COL6A5: variants seen among roughly 807,000 people sequenced by gnomAD.
COL6A5 encodes collagen alpha-5(VI) chain.
COL6A5 carries 48 observed loss-of-function variants against 65.6 expected under a neutral mutation model. The observed-to-expected ratio is 0.73, with a 90% CI of 0.58 to 0.93. The LOEUF (loss-of-function observed/expected upper bound fraction) is 0.93, where lower values mean the gene tolerates loss of function less well. Ranked by LOEUF, COL6A5 falls within the 40% of genes least tolerant of loss-of-function variation. The pLI is 0.00. For synonymous variants in COL6A5, 291 were observed against 322.8 expected (o/e 0.90, Z 1.05); for missense variants, 914 against 928.3 (o/e 0.98, Z 0.20).
chr3:130,393,521 C>A (rs1451107364), intron 7 of COL6A5, among the ~76,000 whole-genome samples: 1 of 152,124 alleles, frequency 6.6e-6, no homozygotes, highest in Non-Finnish European at 1.5e-5. Context: ...CCAAAACTGG[C>A]GCATTACTAA....
exon 1 of COL6A5, chr3:130,431,835 T>C (rs1431774748): frequency 1.3e-6 from 2 of 1,551,600 alleles, no homozygotes; most frequent in South Asian, 1.2e-5. Flanking sequence ...TTTTTAGCAA[T>C]GGTCAAACAG....
chr3:130,376,704 G>T (rs1192617628), exon 3 of COL6A5: 1 of 1,613,674 alleles, frequency 6.2e-7, no homozygotes, highest in Non-Finnish European at 8.5e-7. Context: ...AAATCTGAAG[G>T]CCATGGCCAC....
chr3:130,399,210 A>G (rs1936720967), intron 10 of COL6A5, among the ~76,000 whole-genome samples: 2 of 152,108 alleles, frequency 1.3e-5, no homozygotes, highest in South Asian at 4.1e-4. Context: ...AAAGACCACA[A>G]TATGTCCTGT....
At chr3:130,401,629 T>C in intron 11 of COL6A5, 133 bp from the exon 12 acceptor site, 2 of 682,840 alleles carry the variant, frequency 2.9e-6, no homozygotes, top group Non-Finnish European at 2.6e-6. Flanking sequence ...GCACCTCTTA[T>C]TCTCTGCAGC....
At chr3:130,449,681 A>C (rs886389435) in intron 4 of COL6A5, among the ~76,000 whole-genome samples, 1 of 152,150 alleles carries the variant, frequency 6.6e-6, no homozygotes, top group African/African-American at 2.4e-5. Flanking sequence ...TTTAGAAATT[A>C]CATTAATCCA....
chr3:130,481,211 G>T (rs551499063), intron 7 of COL6A5, among the ~76,000 whole-genome samples: 5 of 57,692 alleles, frequency 8.7e-5, no homozygotes, highest in Non-Finnish European at 1.5e-4. Flanking sequence ...CCCACCCCCC[G>T]ACAAGCCCCA....
intron 27 of COL6A5, 124 bp downstream of exon 27, chr3:130,421,484 T>A: frequency 1.1e-6 from 1 of 870,362 alleles, no homozygotes; most frequent in Non-Finnish European, 1.8e-6. Flanking sequence ...TTGTTTTCCT[T>A]GGGCTTCCTG....
At chr3:130,395,105 ACT>A in exon 8 of COL6A5, 2 of 1,551,660 alleles carry the variant, frequency 1.3e-6, no homozygotes, top group Non-Finnish European at 1.7e-6. Context: ...CCAGTGGAAG[ACT>A]CAAATTCAGA....
intron 7 of COL6A5, among the ~76,000 whole-genome samples, chr3:130,472,531 C>G (rs934104805): frequency 1.3e-5 from 2 of 151,812 alleles, no homozygotes; most frequent in African/African-American, 2.4e-5. Context: ...TTGCTGTGTC[C>G]CAGAGTCATG....
chr3:130,423,950 T>C (rs1937559928), intron 29 of COL6A5, 50 bp downstream of exon 29: 1 of 1,383,970 alleles, frequency 7.2e-7, no homozygotes. Context: ...TCCAGTATGT[T>C]CCATGGAAAG....
exon 1 of COL6A5, chr3:130,345,897 C>T (rs974389431): frequency 2.5e-6 from 1 of 398,666 alleles, no homozygotes; most frequent in Non-Finnish European, 4.4e-6. Flanking sequence ...GCGTTTACTG[C>T]GCTCAGGAGC....
At chr3:130,361,211 T>G (rs1410334913) in intron 1 of COL6A5, among the ~76,000 whole-genome samples, 1 of 152,036 alleles carries the variant, frequency 6.6e-6, no homozygotes, top group Non-Finnish European at 1.5e-5. Flanking sequence ...ACAGAATAGT[T>G]TTTAAAAATC....
At chr3:130,346,747 A>T (rs1196697722) in intron 1 of COL6A5, among the ~76,000 whole-genome samples, 1 of 152,142 alleles carries the variant, frequency 6.6e-6, no homozygotes, top group Non-Finnish European at 1.5e-5. Flanking sequence ...CATCACATTT[A>T]TTTTGTTTTT....
chr3:130,362,352 G>C, intron 1 of COL6A5, among the ~76,000 whole-genome samples: 1 of 116,710 alleles, frequency 8.6e-6, no homozygotes, highest in Non-Finnish European at 1.7e-5. Context: ...TTTTTTGCAT[G>C]TGGATGTCTG....
At chr3:130,408,598 C>A (rs56151786) in intron 17 of COL6A5, among the ~76,000 whole-genome samples, 2,846 of 152,182 alleles carry the variant, frequency 0.019, 45 homozygotes, top group Middle Eastern at 0.068. Flanking sequence ...AGCATATGAT[C>A]TCTGTGACCC....
intron 4 of COL6A5, 63 bp from the exon 37 acceptor site, chr3:130,455,392 A>G (rs1200464266): frequency 5.5e-6 from 5 of 913,828 alleles, no homozygotes; most frequent in South Asian, 3.1e-5. Flanking sequence ...AATGTTAAGG[A>G]TGTTTTATTT....
At chr3:130,422,339 A>G (rs577111550) in intron 27 of COL6A5, among the ~76,000 whole-genome samples, 3 of 148,434 alleles carry the variant, frequency 2.0e-5, no homozygotes, top group African/African-American at 7.4e-5. Context: ...ATCAGAATAG[A>G]TTATTTTCAC....
chr3:130,421,736 T>C (rs1333813144), intron 27 of COL6A5, among the ~76,000 whole-genome samples: 1 of 152,108 alleles, frequency 6.6e-6, no homozygotes. Flanking sequence ...TACAATATCC[T>C]TCTAATTGGG....
chr3:130,363,244 A>G (rs1421487269), intron 1 of COL6A5, among the ~76,000 whole-genome samples: 1 of 152,220 alleles, frequency 6.6e-6, no homozygotes, highest in Non-Finnish European at 1.5e-5. Flanking sequence ...AAATATCACT[A>G]TACTGCTTCA....
Sources: allele counts gnomAD v4.1 joint callset (sites outside exome capture counted in the v4.1 genomes callset), GRCh38; gene constraint gnomAD v4.1.1; transcripts MANE v1.5; gene names NCBI Gene and HGNC (gene_info 2026-07-23, HGNC 2026-07-21).